KLHL1: variants seen among roughly 807,000 people sequenced by gnomAD.
The protein encoded by KLHL1 is kelch-like protein 1.
In KLHL1, 47 loss-of-function variants were observed where a neutral mutation model predicts 77.7. The observed-to-expected ratio is 0.60, with a 90% CI of 0.48 to 0.77. The LOEUF is 0.77. Among genes scored for constraint, KLHL1 ranks in the 30% least tolerant of loss-of-function variants. The pLI is 0.00. For missense variants in KLHL1, 925 were observed against 910.8 expected (o/e 1.02, Z -0.20); for synonymous variants, 360 against 325.2 (o/e 1.11, Z -1.15).
At chr13:69,947,417 T>C (rs1177530317) in intron 3 of KLHL1, among the ~76,000 whole-genome samples, 2 of 152,258 alleles carry the variant, frequency 1.3e-5, no homozygotes, top group African/African-American at 4.8e-5. Flanking sequence ...AGAGGCAGTA[T>C]GTCAATGTAA....
chr13:70,046,569 C>A (rs558183460), intron 1 of KLHL1, among the ~76,000 whole-genome samples: 1 of 152,216 alleles, frequency 6.6e-6, no homozygotes, highest in Non-Finnish European at 1.5e-5. Flanking sequence ...CTCATTGCAA[C>A]CTGCGCCTCC....
intron 1 of KLHL1, among the ~76,000 whole-genome samples, chr13:70,011,592 A>C (rs1240582825): frequency 6.6e-6 from 1 of 152,178 alleles, no homozygotes; most frequent in African/African-American, 2.4e-5. Context: ...CAAGTGATAG[A>C]GTTATCCCTA....
intron 1 of KLHL1, among the ~76,000 whole-genome samples, chr13:70,065,642 G>T (rs973101279): frequency 2.0e-5 from 3 of 152,152 alleles, no homozygotes; most frequent in African/African-American, 7.2e-5. Context: ...GGGTACAAAA[G>T]ATTTCCCTTT....
intron 4 of KLHL1, among the ~76,000 whole-genome samples, chr13:69,884,495 C>T (rs1881121268): frequency 6.6e-6 from 1 of 151,144 alleles, no homozygotes; most frequent in Non-Finnish European, 1.5e-5. Context: ...GATTTGTCCA[C>T]CTGTTTTTCC....
At chr13:70,065,308 C>T (rs2137410397) in intron 1 of KLHL1, among the ~76,000 whole-genome samples, 1 of 152,238 alleles carries the variant, frequency 6.6e-6, no homozygotes, top group East Asian at 1.9e-4. Flanking sequence ...GACTGAGGGT[C>T]AAGAACTTGC....
At chr13:69,787,189 C>A (rs1876600123) in intron 7 of KLHL1, among the ~76,000 whole-genome samples, 1 of 152,114 alleles carries the variant, frequency 6.6e-6, no homozygotes, top group Non-Finnish European at 1.5e-5. Context: ...CAAAAAAGAG[C>A]CCTCATTGCC....
chr13:70,036,829 C>T (rs1250154635), intron 1 of KLHL1, among the ~76,000 whole-genome samples: 3 of 134,654 alleles, frequency 2.2e-5, no homozygotes, highest in Non-Finnish European at 4.7e-5. Flanking sequence ...ATTTTAATGC[C>T]ATGGTCTTTT....
intron 4 of KLHL1, among the ~76,000 whole-genome samples, chr13:69,918,356 T>C (rs529086367): frequency 4.1e-4 from 62 of 152,092 alleles, no homozygotes; most frequent in African/African-American, 1.4e-3. Flanking sequence ...CGAAGAGTGA[T>C]TTTTTTATTA....
intron 7 of KLHL1, among the ~76,000 whole-genome samples, chr13:69,746,451 ACT>A (rs1400753020): frequency 6.6e-6 from 1 of 151,980 alleles, no homozygotes; most frequent in East Asian, 1.9e-4. Flanking sequence ...AATTATATAA[ACT>A]CTGATTTATC....
chr13:70,053,265 A>G (rs1293571990), intron 1 of KLHL1, among the ~76,000 whole-genome samples: 1 of 152,128 alleles, frequency 6.6e-6, no homozygotes, highest in Non-Finnish European at 1.5e-5. Context: ...CAGGAAATAT[A>G]ACAGATTTGA....
intron 5 of KLHL1, among the ~76,000 whole-genome samples, chr13:69,874,132 AC>A (rs1880681090): frequency 1.3e-5 from 2 of 152,234 alleles, no homozygotes; most frequent in South Asian, 4.1e-4. Context: ...CATACGAATA[AC>A]AAAAATAATT....
chr13:70,010,094 G>C (rs1433925682), intron 1 of KLHL1, among the ~76,000 whole-genome samples: 1 of 150,734 alleles, frequency 6.6e-6, no homozygotes, highest in Non-Finnish European at 1.5e-5. Flanking sequence ...AGTGTAGCTA[G>C]AGTGGAAGAA....
intron 4 of KLHL1, among the ~76,000 whole-genome samples, chr13:69,932,951 C>T (rs2501230): frequency 0.89 from 134,874 of 151,870 alleles, 60,359 homozygotes; most frequent in Non-Finnish European, 0.95. Flanking sequence ...AAAAAGAGTT[C>T]TCCATCTAAT....
In KLHL1 at chr13:69,988,264, T is replaced by G. The variant is rs527336123; in HGVS notation, c.498-12462A>C. 1.2e-3 allele frequency among the ~76,000 whole-genome samples: 186 copies of G among 152,180 alleles called. 1 individual carries two copies. Among genetic ancestry groups the G allele is most frequent in the African/African-American group, 4.0e-3 (165 of 41,552 alleles). On this transcript the variant is annotated intron_variant, in intron 1 of 10. Transcript: ENST00000377844. ...GTTTGCTAAGAATAATGGCCTACAGTTCCTTCCATGTTCCTGCAAGGACAT... is the reference window on the plus strand; with the variant it reads ...GTTTGCTAAGAATAATGGCCTACAGGTCCTTCCATGTTCCTGCAAGGACAT...
intron 4 of KLHL1, among the ~76,000 whole-genome samples, chr13:69,885,498 T>C (rs1021889533): frequency 2.6e-5 from 4 of 152,170 alleles, no homozygotes; most frequent in Non-Finnish European, 5.9e-5. Context: ...TCAAGCCTCA[T>C]TTTAATGATA....
At chr13:69,753,544 T>C (rs1007726485) in intron 7 of KLHL1, among the ~76,000 whole-genome samples, 21 of 152,102 alleles carry the variant, frequency 1.4e-4, no homozygotes, top group Admixed American at 6.6e-5. Flanking sequence ...ATCATAAAGA[T>C]AGTATTAGTA....
intron 1 of KLHL1, among the ~76,000 whole-genome samples, chr13:70,014,226 T>C (rs1336354212): frequency 1.3e-5 from 2 of 152,000 alleles, no homozygotes; most frequent in African/African-American, 2.4e-5. Context: ...CTGAAATGAA[T>C]TTGTTATTTC....
chr13:69,824,429 T>C (rs1878465039), intron 6 of KLHL1, among the ~76,000 whole-genome samples: 1 of 152,134 alleles, frequency 6.6e-6, no homozygotes, highest in South Asian at 2.1e-4. Flanking sequence ...GAATGACTTA[T>C]AATATCAACA....
chr13:70,015,115 C>T (rs1885626153), intron 1 of KLHL1, among the ~76,000 whole-genome samples: 1 of 152,126 alleles, frequency 6.6e-6, no homozygotes, highest in South Asian at 2.1e-4. Context: ...CACATATACA[C>T]ATATGGTCAT....
Sources: allele counts gnomAD v4.1 joint callset (sites outside exome capture counted in the v4.1 genomes callset), GRCh38; gene constraint gnomAD v4.1.1; transcripts MANE v1.5; gene names NCBI Gene and HGNC (gene_info 2026-07-23, HGNC 2026-07-21).